The following DGKG variants were observed in gnomAD, a reference collection of about 807,000 sequenced individuals.
The protein encoded by DGKG is DAG kinase gamma.
In DGKG, 78 loss-of-function variants were observed where a neutral mutation model predicts 105.3. The ratio of observed to expected loss-of-function variants is 0.74; its 90% CI spans 0.62 to 0.89. The LOEUF is 0.89. DGKG is among the 40% of genes least tolerant of loss of function. The pLI, the probability that DGKG is intolerant of heterozygous loss-of-function variation, is 0.00. For synonymous variants in DGKG, 346 were observed against 367.1 expected (o/e 0.94, Z 0.66); for missense variants, 958 against 1,020.1 (o/e 0.94, Z 0.83).
At chr3:186,229,605 G>A (rs934181856) in intron 20 of DGKG, among the ~76,000 whole-genome samples, 4 of 152,198 alleles carry the variant, frequency 2.6e-5, no homozygotes, top group African/African-American at 7.2e-5. Context: ...CCACCCAGCT[G>A]TGGTGCTTTG....
chr3:186,269,940 C>T (rs1722240803), intron 11 of DGKG, among the ~76,000 whole-genome samples: 1 of 152,128 alleles, frequency 6.6e-6, no homozygotes, highest in African/African-American at 2.4e-5. Flanking sequence ...CCTCAGTTCC[C>T]TCCCCCTGGA....
At chr3:186,283,037 T>G (rs1722897757) in intron 7 of DGKG, among the ~76,000 whole-genome samples, 1 of 151,798 alleles carries the variant, frequency 6.6e-6, no homozygotes, top group Non-Finnish European at 1.5e-5. Context: ...GCCTCCTGAG[T>G]AGCTGGGACT....
rs140481211 is a variant in DGKG, at chr3:186,223,412, T to C, written c.1827-11527A>G. ...ATGGTCTGGTTATTTCTGCCTATGT[T>C]TCCTGTGCCTTCCCCACCATCGGCT... On this transcript the variant is annotated intron_variant, in intron 20 of 24. Coordinates refer to ENST00000265022, the MANE Select transcript of DGKG (RefSeq NM_001346.3). Among the ~76,000 whole-genome samples, 1,186 of 152,172 alleles carry C rather than the reference T, an allele frequency of 7.8e-3. 16 individuals carry two copies. Among genetic ancestry groups the C allele is most frequent in the South Asian group, 0.066 (316 of 4,808 alleles).
chr3:186,157,462 T>C (rs1486718933), intron 24 of DGKG, among the ~76,000 whole-genome samples: 1 of 152,168 alleles, frequency 6.6e-6, no homozygotes, highest in Admixed American at 6.5e-5. Context: ...GGTTATTGCA[T>C]GTCTTCATTT....
intron 24 of DGKG, chr3:186,161,201 G>A: frequency 1.0e-6 from 1 of 1,001,236 alleles, no homozygotes; most frequent in Non-Finnish European, 1.2e-6. Context: ...TGTAGATTTG[G>A]CTTCCACGTA....
chr3:186,242,130 A>G (rs1005366353), intron 20 of DGKG, among the ~76,000 whole-genome samples: 1 of 152,082 alleles, frequency 6.6e-6, no homozygotes, highest in African/African-American at 2.4e-5. Flanking sequence ...CTCTTCCCCA[A>G]AAGAATCATG....
chr3:186,297,341 G>T, intron 5 of DGKG, 80 bp downstream of exon 5: 1 of 1,081,574 alleles, frequency 9.2e-7, no homozygotes, highest in Non-Finnish European at 1.4e-6. Context: ...AGACAGCACT[G>T]TTGGTTAGGT....
At position 186,260,535 on chromosome 3, in the gene DGKG, GA is replaced by G. The variant is rs1721718082; in HGVS notation, c.1350-23del. Reference sequence around the variant, plus strand: ...AATTCTATGGAAAAAAAAAGAAAAGGAGGGAGAGAGAGAGACAGAGAAGGAA... The same window carrying G: ...AATTCTATGGAAAAAAAAAGAAAAGGGGGAGAGAGAGAGACAGAGAAGGAA... On this transcript the variant is annotated intron_variant, in intron 15 of 24. Transcript: ENST00000265022. 3.2e-6 allele frequency: 5 copies of G among 1,548,884 alleles called. No homozygotes were observed. The East Asian group carries it at 1.1e-4, about 35-fold the overall frequency.
chr3:186,309,914 GA>G (rs948382434), intron 2 of DGKG, among the ~76,000 whole-genome samples: 5 of 150,936 alleles, frequency 3.3e-5, no homozygotes, highest in East Asian at 1.9e-4. Context: ...GTTTTAATAA[GA>G]AAAAAATAGA....
intron 17 of DGKG, 83 bp from the exon 18 acceptor site, chr3:186,253,265 G>T: frequency 1.9e-6 from 2 of 1,072,916 alleles, no homozygotes; most frequent in Non-Finnish European, 2.9e-6. Context: ...CTGATCTGAT[G>T]CTTGAACCCC....
chr3:186,286,366 G>A (rs558911708), intron 6 of DGKG, among the ~76,000 whole-genome samples: 1 of 152,278 alleles, frequency 6.6e-6, no homozygotes, highest in African/African-American at 2.4e-5. Context: ...CTCCAACGCT[G>A]ACCTCTCTCT....
rs992606030 is a variant in DGKG at position 186,188,435 on chromosome 3, A to AG, written c.1918-57dup. 3 of 1,574,524 alleles carry AG rather than the reference A, an allele frequency of 1.9e-6. No homozygotes were observed. In the African/African-American group the frequency reaches 4.1e-5, roughly 21 times the overall value. ...AGTGTCCTCAGTGTGTCACAACCCA[A>AG]GGTGCTCTGTGTGTGTGCGTGCGTG... On this transcript the variant is annotated intron_variant, in intron 21 of 24. Coordinates refer to ENST00000265022, the MANE Select transcript of DGKG (RefSeq NM_001346.3).
intron 13 of DGKG, 56 bp from the exon 14 acceptor site, chr3:186,265,362 A>G: frequency 1.3e-6 from 2 of 1,523,478 alleles, no homozygotes; most frequent in South Asian, 1.1e-5. Context: ...TAACACAAAG[A>G]AAGAGATCAG....
Position 186,273,367 on chromosome 3 carries a change from C to CCTTTTTTT in DGKG, c.911-1025_911-1024insAAAAAAAG, listed in dbSNP as rs1553811123. ...TGGCGCTGGGGAGACTGTTGTACCC[C>CCTTTTTTT]TTTTTTTTTTTTTTTTTTTTTTTTT... On this transcript the variant is annotated intron_variant, in intron 10 of 24. Transcript: ENST00000265022. Among the ~76,000 whole-genome samples the CCTTTTTTT allele has an allele frequency of 5.8e-5, 5 of 85,636 alleles. 1 individual carries two copies. Among genetic ancestry groups the CCTTTTTTT allele is most frequent in the East Asian group, 4.7e-4 (1 of 2,116 alleles). The allele number at this position is 85,636 out of a possible 152,430, so 56.2% of individuals were successfully genotyped here.
rs1392617565 is a variant in DGKG, at chr3:186,188,330, G to A, written c.1967C>T (p.Ala656Val). ...GTACATGCTGGGAATGTTGAGAATG[G>A]CAATGCCTTCCAGGAAGATGTTGCT... ...DLSNIFLEGI[A>V]ILNIPSMYGG... Residue 656 changes from alanine (A) to valine (V), a missense_variant, in exon 22 of 25, where the codon GCC (alanine) becomes GTC (valine). Ala to Val is a moderately conservative substitution (Grantham distance 64). Transcript: ENST00000265022. The A allele has an allele frequency of 4.3e-6, 7 of 1,614,128 alleles. No individual in the cohort carries two copies. The highest frequency in any genetic ancestry group is 5.9e-6 in the Non-Finnish European group (7 of 1,180,034).
At chr3:186,162,300 T>C (rs1716332144) in intron 23 of DGKG, among the ~76,000 whole-genome samples, 1 of 152,242 alleles carries the variant, frequency 6.6e-6, no homozygotes, top group Admixed American at 6.5e-5. Context: ...CACAGAAGTC[T>C]GGGATACAGT....
At chr3:186,240,308 A>G (rs1720622646) in intron 20 of DGKG, among the ~76,000 whole-genome samples, 2 of 152,162 alleles carry the variant, frequency 1.3e-5, no homozygotes, top group Non-Finnish European at 2.9e-5. Flanking sequence ...TACATCACTT[A>G]ACACAAACCA....
At chr3:186,224,006 A>G (rs1719728221) in intron 20 of DGKG, among the ~76,000 whole-genome samples, 2 of 152,222 alleles carry the variant, frequency 1.3e-5, no homozygotes, top group Admixed American at 1.3e-4. Flanking sequence ...CCTCCCAGCC[A>G]GTTCCTTGGG....
chr3:186,270,610 G>A (rs1183575194), intron 11 of DGKG, among the ~76,000 whole-genome samples: 1 of 152,182 alleles, frequency 6.6e-6, no homozygotes, highest in Non-Finnish European at 1.5e-5. Context: ...TCATCTACAT[G>A]GCCACAATTG....
Sources: gnomAD v4.1 joint callset for allele counts (sites outside exome capture counted in the v4.1 genomes callset) on GRCh38, gnomAD v4.1.1 for gene constraint, MANE v1.5 for transcripts, NCBI Gene and HGNC (gene_info 2026-07-23, HGNC 2026-07-21) for gene names.